UNC13C: variants seen among roughly 807,000 people sequenced by gnomAD.
The protein encoded by UNC13C is protein unc-13 homolog C.
Under a neutral mutation model 245.4 loss-of-function variants are expected in UNC13C, and 174 were observed. That is an observed-to-expected ratio of 0.71 (90% confidence interval 0.63 to 0.80). The LOEUF (loss-of-function observed/expected upper bound fraction) is 0.80. Among genes scored for constraint, UNC13C ranks in the 30% least tolerant of loss-of-function variants. UNC13C has a pLI of 0.00. For missense variants in UNC13C, 2,829 were observed against 2,602.9 expected (o/e 1.09, Z -1.89); for synonymous variants, 992 against 895.1 (o/e 1.11, Z -1.93).
intron 10 of UNC13C, among the ~76,000 whole-genome samples, chr15:54,280,752 A>G (rs1257099793): frequency 4.7e-5 from 5 of 105,448 alleles, no homozygotes; most frequent in Non-Finnish European, 8.1e-5. Context: ...ATATACATAT[A>G]TACACATACA....
chr15:54,478,263 C>A (rs1188507564), intron 19 of UNC13C, among the ~76,000 whole-genome samples: 1 of 139,698 alleles, frequency 7.2e-6, no homozygotes, highest in African/African-American at 2.7e-5. Context: ...AAAACCAGCT[C>A]CTGGATTCAT....
intron 2 of UNC13C, among the ~76,000 whole-genome samples, chr15:54,068,747 T>C (rs1898184047): frequency 6.6e-6 from 1 of 152,204 alleles, no homozygotes; most frequent in South Asian, 2.1e-4. Flanking sequence ...GATGAACACA[T>C]AGATTAACTG....
intron 4 of UNC13C, among the ~76,000 whole-genome samples, chr15:54,206,133 C>T (rs1424632599): frequency 6.6e-6 from 1 of 151,846 alleles, no homozygotes; most frequent in Non-Finnish European, 1.5e-5. Context: ...ATTGTTATTC[C>T]TGATGTTATG....
At chr15:54,313,179 A>G (rs1467941014) in intron 13 of UNC13C, among the ~76,000 whole-genome samples, 1 of 151,788 alleles carries the variant, frequency 6.6e-6, no homozygotes, top group African/African-American at 2.4e-5. Context: ...CAGTTTACTG[A>G]TTATAAGTAG....
At chr15:54,359,180 T>A (rs1596278791) in intron 17 of UNC13C, among the ~76,000 whole-genome samples, 1 of 152,024 alleles carries the variant, frequency 6.6e-6, no homozygotes, top group East Asian at 1.9e-4. Context: ...TGATTCCATT[T>A]GGTAATAATG....
chr15:54,398,634 A>G (rs775343049), intron 18 of UNC13C, among the ~76,000 whole-genome samples: 1 of 151,454 alleles, frequency 6.6e-6, no homozygotes, highest in Admixed American at 6.6e-5. Flanking sequence ...CATTAGATAT[A>G]GGGCTATTTA....
chr15:54,120,246 G>C (rs2030573725), intron 2 of UNC13C, among the ~76,000 whole-genome samples: 1 of 152,170 alleles, frequency 6.6e-6, no homozygotes, highest in South Asian at 2.1e-4. Context: ...AGTTAATGCA[G>C]CTGGTGACTC....
chr15:54,013,165 C>G lies in UNC13C; in HGVS notation c.262C>G (p.Leu88Val). 1 of 1,613,836 alleles carries G rather than the reference C, an allele frequency of 6.2e-7. No homozygotes were observed. Among genetic ancestry groups the G allele is most frequent in the Non-Finnish European group, 8.5e-7 (1 of 1,179,842 alleles). Residue 88 changes from leucine (L) to valine (V), a missense_variant, in exon 2 of 33, where the codon CTC (leucine) becomes GTC (valine). Coordinates refer to ENST00000260323, the MANE Select transcript of UNC13C (RefSeq NM_001080534.3). ...EEDEASKEFS[L>V]SPTFSYRVAI... ...AGACGAGGCCAGTAAAGAGTTTTCC[C>G]TCTCACCAACATTCAGTTACCGAGT...
intron 4 of UNC13C, among the ~76,000 whole-genome samples, chr15:54,178,319 A>G (rs1329783058): frequency 6.6e-6 from 1 of 152,114 alleles, no homozygotes; most frequent in African/African-American, 2.4e-5. Context: ...TCTCTGCCCA[A>G]TGCAGAATAG....
intron 30 of UNC13C, 126 bp from the exon 31 acceptor site, chr15:54,622,201 C>T (rs537078644): frequency 8.6e-5 from 58 of 673,530 alleles, no homozygotes; most frequent in African/African-American, 2.0e-4. Context: ...TCACCTATTA[C>T]GCACTATTAA....
chr15:54,178,079 T>C (rs1188751996), intron 4 of UNC13C, among the ~76,000 whole-genome samples: 1 of 152,146 alleles, frequency 6.6e-6, no homozygotes, highest in African/African-American at 2.4e-5. Flanking sequence ...TCTATCATAT[T>C]TTTCTTTTAA....
intron 2 of UNC13C, among the ~76,000 whole-genome samples, chr15:54,084,349 A>G (rs879610755): frequency 2.6e-5 from 4 of 152,142 alleles, no homozygotes; most frequent in Non-Finnish European, 5.9e-5. Context: ...CATTTTTTGC[A>G]GTTGTGTTTT....
chr15:54,398,316 G>A (rs1280384431), intron 18 of UNC13C, among the ~76,000 whole-genome samples: 1 of 151,314 alleles, frequency 6.6e-6, no homozygotes, highest in South Asian at 2.1e-4. Flanking sequence ...TGGTCTTGAT[G>A]TATAATCTTT....
intron 19 of UNC13C, among the ~76,000 whole-genome samples, chr15:54,422,439 T>C (rs1446625888): frequency 6.6e-6 from 1 of 152,030 alleles, no homozygotes; most frequent in African/African-American, 2.4e-5. Flanking sequence ...CCCTGGTATA[T>C]AAAAGTTTCC....
intron 8 of UNC13C, among the ~76,000 whole-genome samples, 189 bp from the exon 9 acceptor site, chr15:54,263,979 C>T (rs2036490291): frequency 1.3e-5 from 2 of 152,036 alleles, no homozygotes; most frequent in African/African-American, 4.8e-5. Flanking sequence ...CTGCCAATAA[C>T]ACAAAGGAGT....
At chr15:54,235,592 G>T (rs1190033823) in intron 5 of UNC13C, among the ~76,000 whole-genome samples, 1 of 152,074 alleles carries the variant, frequency 6.6e-6, no homozygotes, top group African/African-American at 2.4e-5. Flanking sequence ...TCTATTTAAA[G>T]AAAATCATGG....
chr15:54,121,216 A>G (rs1317806924), intron 2 of UNC13C, among the ~76,000 whole-genome samples: 1 of 152,194 alleles, frequency 6.6e-6, no homozygotes, highest in Non-Finnish European at 1.5e-5. Flanking sequence ...AAATTGCCAC[A>G]GTCACCTCAC....
intron 2 of UNC13C, among the ~76,000 whole-genome samples, chr15:54,064,003 G>A (rs147284980): frequency 6.6e-6 from 1 of 152,138 alleles, no homozygotes; most frequent in Non-Finnish European, 1.5e-5. Context: ...GGTGAAAACA[G>A]GAGATGGATT....
chr15:54,175,785 A>G (rs1439012974), intron 4 of UNC13C, among the ~76,000 whole-genome samples: 1 of 152,172 alleles, frequency 6.6e-6, no homozygotes, highest in East Asian at 1.9e-4. Context: ...TTGCTCTGCC[A>G]TTCAGACTCA....
Sources: gnomAD v4.1 joint callset for allele counts (sites outside exome capture counted in the v4.1 genomes callset) on GRCh38, gnomAD v4.1.1 for gene constraint, MANE v1.5 for transcripts, NCBI Gene and HGNC (gene_info 2026-07-23, HGNC 2026-07-21) for gene names.